The following PLEKHH2 variants were observed in gnomAD, a reference collection of about 807,000 sequenced individuals.
The protein encoded by PLEKHH2 is pleckstrin homology, MyTH4 and FERM domain containing H2.
A neutral mutation model predicts 187.9 loss-of-function variants in PLEKHH2; 129 were observed. The ratio of observed to expected loss-of-function variants is 0.69; its 90% CI spans 0.59 to 0.79. The LOEUF (loss-of-function observed/expected upper bound fraction) is 0.79, where lower values mean the gene tolerates loss of function less well. PLEKHH2 is among the 30% of genes least tolerant of loss of function. The pLI is 0.00. For missense variants in PLEKHH2, 2,076 were observed against 1,751.2 expected (o/e 1.19, Z -3.31); for synonymous variants, 686 against 605.6 (o/e 1.13, Z -1.95).
At chr2:43,711,071 A>G (rs1377504462) in intron 14 of PLEKHH2, 13 of 986,914 alleles carry the variant, frequency 1.3e-5, no homozygotes, top group Admixed American at 6.1e-5. Flanking sequence ...CTGTAGGGGC[A>G]GCTGCTGCCC....
At chr2:43,706,933 C>G (rs550955016) in intron 10 of PLEKHH2, among the ~76,000 whole-genome samples, 3 of 152,290 alleles carry the variant, frequency 2.0e-5, no homozygotes, top group Non-Finnish European at 2.9e-5. Context: ...CACGGTGGCT[C>G]ACGCCTGTAA....
At chr2:43,719,584 T>C (rs556319554) in intron 15 of PLEKHH2, among the ~76,000 whole-genome samples, 1 of 152,162 alleles carries the variant, frequency 6.6e-6, no homozygotes, top group Admixed American at 6.5e-5. Flanking sequence ...GAACTACAGA[T>C]GTCCACCACC....
In PLEKHH2 at chr2:43,700,427, A is replaced by C. The variant is rs1669303558; in HGVS notation, c.1469A>C (p.Asp490Ala). The C allele has an allele frequency of 6.2e-7, 1 of 1,613,968 alleles. No individual in the cohort carries two copies. Among genetic ancestry groups the C allele is most frequent in the Admixed American group, 1.7e-5 (1 of 60,000 alleles). ...RPLRPQETDL[D>A]LVDGDSTEVL... ...CTGAGACCTCAGGAAACTGATCTTG[A>C]TCTAGTTGATGGAGACAGTACAGAA... The change falls in exon 8 of 30, where the codon GAT becomes GCT. Residue 490 changes from aspartate (D) to alanine (A), a missense_variant. By Grantham distance (126) the Asp-to-Ala change is moderately radical. Transcript: ENST00000282406.
At chr2:43,763,221 C>G (rs1165900983) in intron 28 of PLEKHH2, among the ~76,000 whole-genome samples, 7 of 152,084 alleles carry the variant, frequency 4.6e-5, no homozygotes, top group Non-Finnish European at 8.8e-5. Context: ...AACCTATACA[C>G]CAGTACTAAG....
chr2:43,684,435 T>A (rs960316008), intron 3 of PLEKHH2, among the ~76,000 whole-genome samples: 7 of 152,248 alleles, frequency 4.6e-5, no homozygotes, highest in Admixed American at 1.3e-4. Context: ...TGCCTTAATT[T>A]AAAATTCTTA....
intron 3 of PLEKHH2, 172 bp from the exon 4 acceptor site, chr2:43,692,342 G>A (rs920071413): frequency 2.0e-6 from 1 of 496,586 alleles, no homozygotes; most frequent in Non-Finnish European, 3.5e-6. Context: ...ACACCACTTG[G>A]TGAAATAGGC....
rs906582410 is a variant in PLEKHH2 at position 43,644,656 on chromosome 2, A to G, written c.-3-15A>G. On this transcript the variant is annotated splice_polypyrimidine_tract_variant and intron_variant, in intron 1 of 29. Coordinates refer to ENST00000282406, the MANE Select transcript of PLEKHH2 (RefSeq NM_172069.4). ...TTACTTTTTAATTTTTTGTTTATTT[A>G]TTTAATTTTTTTAGAATATGGCAGA... 1.3e-6 allele frequency: 2 copies of G among 1,498,272 alleles called. No homozygotes were observed. Among genetic ancestry groups the G allele is most frequent in the Non-Finnish European group, 8.9e-7 (1 of 1,118,964 alleles). 92.8% of individuals were successfully genotyped at this position (1,498,272 alleles called of 1,614,324 possible).
rs374556210 is a variant in PLEKHH2 at position 43,719,273 on chromosome 2, C to G, written c.2461-1396C>G. ...AGCTAGATTCAAATTCTGTCCCAGT[C>G]ACTTAACTTAGTACCTGATATACAG... On this transcript the variant is annotated intron_variant, in intron 15 of 29. Transcript: ENST00000282406. Among the ~76,000 whole-genome samples the G allele has an allele frequency of 3.3e-5, 5 of 152,206 alleles. No homozygotes were observed. The East Asian group carries it at 5.8e-4, about 18-fold the overall frequency.
At chr2:43,700,734 C>G in intron 8 of PLEKHH2, 126 bp downstream of exon 8, 1 of 1,205,968 alleles carries the variant, frequency 8.3e-7, no homozygotes, top group South Asian at 1.5e-5. Context: ...CTCACTGCAA[C>G]CTCCATCTCC....
chr2:43,683,625 C>T (rs569862289), intron 3 of PLEKHH2, among the ~76,000 whole-genome samples: 1 of 151,992 alleles, frequency 6.6e-6, no homozygotes, highest in African/African-American at 2.4e-5. Flanking sequence ...TATTGCATAC[C>T]TATGATGTGA....
chr2:43,676,524 G>A (rs905922085), intron 2 of PLEKHH2, among the ~76,000 whole-genome samples: 2 of 152,020 alleles, frequency 1.3e-5, no homozygotes, highest in Non-Finnish European at 2.9e-5. Context: ...GCTGCTGCGG[G>A]TGAGAGGTAT....
chr2:43,752,643 TG>T (rs1672053735), intron 24 of PLEKHH2, among the ~76,000 whole-genome samples: 1 of 152,204 alleles, frequency 6.6e-6, no homozygotes, highest in Non-Finnish European at 1.5e-5. Flanking sequence ...TTCCAGCCAC[TG>T]TGTTGTCATG....
chr2:43,719,298 G>A (rs1670366769), intron 15 of PLEKHH2, among the ~76,000 whole-genome samples: 1 of 152,104 alleles, frequency 6.6e-6, no homozygotes, highest in African/African-American at 2.4e-5. Flanking sequence ...CTGATATACA[G>A]GAGGTACTCA....
At chr2:43,669,427 A>T (rs940476266) in intron 2 of PLEKHH2, among the ~76,000 whole-genome samples, 14 of 152,200 alleles carry the variant, frequency 9.2e-5, no homozygotes, top group African/African-American at 3.1e-4. Flanking sequence ...AAACCACTGA[A>T]TTACACTGTT....
chr2:43,733,369 A>C (rs1215860436), intron 19 of PLEKHH2, among the ~76,000 whole-genome samples: 1 of 151,718 alleles, frequency 6.6e-6, no homozygotes, highest in Non-Finnish European at 1.5e-5. Flanking sequence ...TCTCAAAAAA[A>C]AAAAAAAAAA....
Position 43,758,096 on chromosome 2 carries a change from T to C in PLEKHH2, c.3942-804T>C, listed in dbSNP as rs184338501. Among the ~76,000 whole-genome samples the C allele has an allele frequency of 2.9e-3, 440 of 152,324 alleles. 11 individuals carry two copies. Among genetic ancestry groups the C allele is most frequent in the East Asian group, 9.6e-4 (5 of 5,192 alleles). ...CAATTTATCGTGAGCTTTTCCAAAA[T>C]AGAAACATTTAAGATCAGCCTTTTG... On this transcript the variant is annotated intron_variant, in intron 26 of 29. Transcript: ENST00000282406.
chr2:43,651,403 C>G (rs991948742), intron 2 of PLEKHH2, among the ~76,000 whole-genome samples: 2 of 152,202 alleles, frequency 1.3e-5, no homozygotes, highest in African/African-American at 2.4e-5. Context: ...GGTTATATTT[C>G]TATCCCTTTG....
intron 2 of PLEKHH2, 38 bp downstream of exon 2, chr2:43,644,834 C>G (rs758429445): frequency 6.4e-7 from 1 of 1,551,958 alleles, no homozygotes; most frequent in South Asian, 1.2e-5. Context: ...TAAATGTCAG[C>G]TATTTAGGGT....
At chr2:43,737,166 G>A (rs1404422782) in intron 19 of PLEKHH2, among the ~76,000 whole-genome samples, 3 of 152,074 alleles carry the variant, frequency 2.0e-5, no homozygotes, top group African/African-American at 7.2e-5. Context: ...TGGAAGAACC[G>A]AACCATTTCC....
Sources: gnomAD v4.1 joint callset for allele counts (sites outside exome capture counted in the v4.1 genomes callset) on GRCh38, gnomAD v4.1.1 for gene constraint, MANE v1.5 for transcripts, NCBI Gene and HGNC (gene_info 2026-07-23, HGNC 2026-07-21) for gene names.